KIF24: variants seen among roughly 807,000 people sequenced by gnomAD.
The protein encoded by KIF24 is kinesin-like protein KIF24.
In KIF24, 81 loss-of-function variants were observed where a neutral mutation model predicts 118.9. The ratio of observed to expected loss-of-function variants is 0.68; its 90% confidence interval spans 0.57 to 0.82. The LOEUF (loss-of-function observed/expected upper bound fraction) is 0.82, where lower values mean the gene tolerates loss of function less well. Among genes scored for constraint, KIF24 ranks in the 40% least tolerant of loss-of-function variants. KIF24 has a pLI of 0.00. For missense variants in KIF24, 1,560 were observed against 1,661.6 expected, an observed-to-expected ratio of 0.94 and a Z score of 1.06; for synonymous variants, 599 against 610.0, an observed-to-expected ratio of 0.98 and a Z score of 0.27.
At chr9:34,308,740 T>C (rs1837026084) in intron 2 of KIF24, among the ~76,000 whole-genome samples, 1 of 152,162 alleles carries the variant, frequency 6.6e-6, no homozygotes, top group Admixed American at 6.6e-5. Flanking sequence ...AAAAGGCCCA[T>C]AGTTTCAAGT....
In KIF24 at chr9:34,256,142, C is replaced by G; in HGVS notation, c.3465G>C (p.Gln1155His). The G allele has an allele frequency of 7.5e-6, 12 of 1,607,446 alleles. No homozygotes were observed. Among genetic ancestry groups the G allele is most frequent in the Non-Finnish European group, 1.0e-5 (12 of 1,174,908 alleles). The part of the protein sequence containing the change: ...SREADLGEAC[Q>H]SRETVLFSHE... Reference sequence around the variant, plus strand: ...GGGAGAAAAGTACAGTCTCTCTGCTCTGGCAGGCCTCTCCTAGGTCTGCCT... The same window carrying G: ...GGGAGAAAAGTACAGTCTCTCTGCTGTGGCAGGCCTCTCCTAGGTCTGCCT... The change falls in exon 11 of 13, where the codon CAG (glutamine) becomes CAC (histidine). Residue 1155 changes from glutamine to histidine, a missense_variant. This residue lies in a region of KIF24 where 591 missense variants were observed against 655.6 expected (regional missense o/e 0.90). Coordinates refer to ENST00000402558, the MANE Select transcript of KIF24 (RefSeq NM_194313.4).
intron 4 of KIF24, among the ~76,000 whole-genome samples, chr9:34,294,950 T>C (rs1358477706): frequency 2.0e-5 from 3 of 152,148 alleles, no homozygotes; most frequent in African/African-American, 4.8e-5. Flanking sequence ...TATATAAAAC[T>C]CTCAAAACTC....
Position 34,293,872 on chromosome 9 carries a change from T to C in KIF24, c.911+3145A>G, listed in dbSNP as rs373576909. On this transcript the variant is annotated intron_variant, in intron 4 of 12. Transcript: ENST00000402558. ...TTAATACCCATTAGATTGGCTAAAA[T>C]AAGAAAGCCTGACGATAGCAGATAT... Among the ~76,000 whole-genome samples, 27 of 152,342 alleles carry C rather than the reference T, an allele frequency of 1.8e-4. 1 individual carries two copies. In the East Asian group the frequency reaches 3.7e-3, roughly 21 times the overall value.
chr9:34,304,249 A>G (rs917383510), intron 3 of KIF24, among the ~76,000 whole-genome samples: 2 of 152,222 alleles, frequency 1.3e-5, no homozygotes, highest in African/African-American at 4.8e-5. Context: ...TTTGAGGAAG[A>G]AAAAAGAAAA....
intron 1 of KIF24, among the ~76,000 whole-genome samples, chr9:34,315,555 T>A (rs896472656): frequency 3.9e-5 from 6 of 152,250 alleles, no homozygotes; most frequent in East Asian, 3.9e-4. Flanking sequence ...TACTCATTTT[T>A]AAAAAAAATT....
At chr9:34,313,752 GTT>G (rs1425286036) in intron 1 of KIF24, among the ~76,000 whole-genome samples, 1 of 97,656 alleles carries the variant, frequency 1.0e-5, no homozygotes, top group Non-Finnish European at 2.1e-5. Flanking sequence ...TTTTTTTTTT[GTT>G]TTTTTTTTTT....
chr9:34,287,907 G>GT (rs1221097219), intron 5 of KIF24, among the ~76,000 whole-genome samples: 2 of 123,960 alleles, frequency 1.6e-5, no homozygotes, highest in Non-Finnish European at 3.4e-5. Flanking sequence ...GCCCATCTCT[G>GT]TTTAAAAAAA....
chr9:34,320,201 G>A (rs1217256948), intron 1 of KIF24, among the ~76,000 whole-genome samples: 3 of 152,076 alleles, frequency 2.0e-5, no homozygotes, highest in Admixed American at 6.6e-5. Context: ...CAAGAATGGC[G>A]TCATGGGGAT....
Position 34,256,589 on chromosome 9 carries a change from T to C in KIF24, c.3018A>G (p.Thr1006=). The change falls in exon 11 of 13, where the codon ACA becomes ACG. Residue 1006 remains threonine (T), a synonymous_variant. Coordinates refer to ENST00000402558, the MANE Select transcript of KIF24 (RefSeq NM_194313.4). ...GSPDQRDTVT[T]PLREVSADGP... is the part of the protein sequence containing the mutation. The stretch of plus-strand genomic sequence containing the variant: ...CGTCTGCACTGACTTCTCTCAGAGG[T>C]GTGGTGACTGTGTCTCTTTGGTCTG... 6.2e-7 allele frequency: 1 copy of C among 1,613,906 alleles called. No individual in the cohort carries two copies. Among genetic ancestry groups the C allele is most frequent in the Non-Finnish European group, 8.5e-7 (1 of 1,179,876 alleles).
chr9:34,277,568 C>G (rs1042930185), intron 6 of KIF24, among the ~76,000 whole-genome samples: 2 of 152,170 alleles, frequency 1.3e-5, no homozygotes, highest in African/African-American at 4.8e-5. Context: ...GTGTTACAGA[C>G]TTTTGAACTT....
intron 6 of KIF24, among the ~76,000 whole-genome samples, chr9:34,280,364 G>C (rs1214631045): frequency 6.9e-6 from 1 of 145,732 alleles, no homozygotes; most frequent in African/African-American, 2.6e-5. Context: ...CTCAACACCA[G>C]ACTGCCAGCA....
At chr9:34,254,994 C>G in intron 12 of KIF24, 78 bp downstream of exon 12, 1 of 1,008,414 alleles carries the variant, frequency 9.9e-7, no homozygotes, top group South Asian at 1.4e-5. Context: ...CACACAGCCA[C>G]AGCAAACAAG....
At chr9:34,294,548 CA>C (rs60426705) in intron 4 of KIF24, among the ~76,000 whole-genome samples, 114,549 of 150,162 alleles carry the variant, frequency 0.76, 44,113 homozygotes, top group East Asian at 0.95. Flanking sequence ...AACTCCGTCT[CA>C]AAAAAAAAAG....
At chr9:34,332,181 C>T (rs1327071285), upstream of KIF24, among the ~76,000 whole-genome samples, 1 of 152,190 alleles carries the variant, frequency 6.6e-6, no homozygotes, top group Non-Finnish European at 1.5e-5. Context: ...TCATTGCCTA[C>T]AGAATATAAA....
At chr9:34,275,611 C>T (rs1167631016) in intron 6 of KIF24, among the ~76,000 whole-genome samples, 2 of 152,078 alleles carry the variant, frequency 1.3e-5, no homozygotes, top group East Asian at 1.9e-4. Flanking sequence ...GAGGCCAAGG[C>T]GGGTGGATCA....
intron 4 of KIF24, among the ~76,000 whole-genome samples, chr9:34,292,601 T>C (rs2131758663): frequency 6.6e-6 from 1 of 152,248 alleles, no homozygotes; most frequent in Middle Eastern, 3.4e-3. Flanking sequence ...AGAAAAGGAT[T>C]TGAAGCCAGG....
chr9:34,295,502 C>A (rs890755821), intron 4 of KIF24, among the ~76,000 whole-genome samples: 8 of 152,056 alleles, frequency 5.3e-5, no homozygotes, highest in Non-Finnish European at 8.8e-5. Context: ...CATGGCAAAA[C>A]CCCATCTCTA....
chr9:34,302,822 C>T (rs1448204557), intron 3 of KIF24, among the ~76,000 whole-genome samples: 1 of 145,994 alleles, frequency 6.8e-6, no homozygotes. Context: ...CTCTCCCAGT[C>T]TGGAGTGCAG....
At chr9:34,313,642 T>A (rs183588165) in intron 1 of KIF24, among the ~76,000 whole-genome samples, 2 of 151,854 alleles carry the variant, frequency 1.3e-5, no homozygotes, top group East Asian at 3.9e-4. Flanking sequence ...CTCTATTTTC[T>A]AGAGCAATTT....
Sources: allele counts gnomAD v4.1 joint callset (sites outside exome capture counted in the v4.1 genomes callset), GRCh38; gene constraint gnomAD v4.1.1; regional missense constraint gnomAD v4.1.1; transcripts MANE v1.5; gene names NCBI Gene and HGNC (gene_info 2026-07-23, HGNC 2026-07-21).